SLC4A8: variants seen among roughly 807,000 people sequenced by gnomAD.
SLC4A8 encodes solute carrier family 4 member 8.
Under a neutral mutation model 125.0 loss-of-function variants are expected in SLC4A8, and 40 were observed. The observed-to-expected ratio is 0.32, with a 90% CI of 0.25 to 0.42. The LOEUF is 0.42. Ranked by LOEUF, SLC4A8 falls within the 10% of genes least tolerant of loss-of-function variation. SLC4A8 has a pLI of 1.00. For synonymous variants in SLC4A8, 456 were observed against 476.0 expected (o/e 0.96, Z 0.55); for missense variants, 863 against 1,355.1 (o/e 0.64, Z 5.70).
Position 51,442,692 on chromosome 12 carries a change from A to G in SLC4A8, c.130+1903A>G, listed in dbSNP as rs76415239. On this transcript the variant is annotated intron_variant, in intron 2 of 24. Transcript: ENST00000453097. ...TATTTATGTTAACACTTAAAAAAAA[A>G]GCATTACACGCAAATGGTGGACAAA... is the stretch of plus-strand genomic sequence containing the variant. Among the ~76,000 whole-genome samples the G allele has an allele frequency of 4.2e-3, 636 of 152,318 alleles. 6 individuals carry two copies. Among genetic ancestry groups the G allele is most frequent in the African/African-American group, 0.014 (594 of 41,560 alleles).
At chr12:51,454,685 T>TC (rs998469242) in intron 5 of SLC4A8, among the ~76,000 whole-genome samples, 1 of 42,744 alleles carries the variant, frequency 2.3e-5, no homozygotes, top group Non-Finnish European at 4.5e-5. Context: ...AGGCGGTTTT[T>TC]CCCTATCTCA....
intron 1 of SLC4A8, among the ~76,000 whole-genome samples, chr12:51,402,316 G>C (rs568212112): frequency 6.6e-6 from 1 of 152,320 alleles, no homozygotes; most frequent in East Asian, 1.9e-4. Flanking sequence ...TGCAAAGCTA[G>C]AATGCTTCAA....
upstream of SLC4A8, among the ~76,000 whole-genome samples, chr12:51,421,509 A>G (rs1446431318): frequency 6.6e-6 from 1 of 152,170 alleles, no homozygotes; most frequent in Non-Finnish European, 1.5e-5. Flanking sequence ...CTTTTTCCAC[A>G]TTTGTACTGG....
intron 11 of SLC4A8, among the ~76,000 whole-genome samples, chr12:51,465,477 G>T (rs765226161): frequency 4.6e-5 from 7 of 152,140 alleles, no homozygotes; most frequent in Non-Finnish European, 8.8e-5. Context: ...TCTTGGTAAT[G>T]GTGTCTGATG....
chr12:51,459,440 A>G (rs4761819), intron 7 of SLC4A8, among the ~76,000 whole-genome samples: 140,995 of 152,200 alleles, frequency 0.93, 65,365 homozygotes, highest in Non-Finnish European at 0.95. Context: ...CTGGGTTTCA[A>G]ATACTTCATT....
chr12:51,409,480 T>C (rs10735834), intron 1 of SLC4A8, among the ~76,000 whole-genome samples: 86,492 of 152,002 alleles, frequency 0.57, 25,045 homozygotes, highest in East Asian at 0.76. Context: ...TATTTGCAGT[T>C]GTTTTCAGTT....
intron 22 of SLC4A8, 157 bp downstream of exon 22, chr12:51,497,281 G>T: frequency 1.3e-6 from 1 of 797,696 alleles, no homozygotes; most frequent in South Asian, 2.1e-5. Flanking sequence ...ATGGATTAGG[G>T]ATTCTTGCTT....
chr12:51,478,314 C>T (rs1950916345), intron 16 of SLC4A8, among the ~76,000 whole-genome samples: 1 of 151,636 alleles, frequency 6.6e-6, no homozygotes, highest in Non-Finnish European at 1.5e-5. Context: ...TGGCAGGTGC[C>T]TGTAATCCCA....
chr12:51,441,151 A>T, intron 2 of SLC4A8: 2 of 990,128 alleles, frequency 2.0e-6, no homozygotes, highest in Non-Finnish European at 2.4e-6. Context: ...TTAAAGAGAA[A>T]ATAAAATACA....
rs1029092583 is a variant in SLC4A8 at position 51,513,492 on chromosome 12, G to A, written c.*6054G>A. ...AGACGGAGTCTCGCTCTGTCGCTTT[G>A]TCACCAGGCTGGAGTGCAATGGCAC... On this transcript the variant is annotated 3_prime_UTR_variant, in exon 25 of 25. Transcript: ENST00000453097. 3 of 151,924 alleles carry A rather than the reference G, an allele frequency of 2.0e-5. No individual in the cohort carries two copies. The East Asian group carries it at 5.9e-4, about 30-fold the overall frequency. 9.4% of individuals were successfully genotyped at this position (151,924 alleles called of 1,614,324 possible). A position where few individuals can be genotyped will look rare whatever the true frequency, so the allele number is the denominator to read the frequency against.
chr12:51,439,064 T>A (rs1225479996), intron 1 of SLC4A8, among the ~76,000 whole-genome samples: 1 of 152,130 alleles, frequency 6.6e-6, no homozygotes, highest in East Asian at 1.9e-4. Flanking sequence ...GAGACTTTTT[T>A]TATTTTTTTT....
rs1950810362 is a variant in SLC4A8, at chr12:51,474,706, A to AT, written c.2010+260dup. 5 of 591,148 alleles carry AT rather than the reference A, an allele frequency of 8.5e-6. No homozygotes were observed. In the East Asian group the frequency reaches 1.4e-4, roughly 17 times the overall value. The allele number at this position is 591,148 out of a possible 1,614,324, so 36.6% of individuals were successfully genotyped here. A position where few individuals can be genotyped will look rare whatever the true frequency, so the allele number is the denominator to read the frequency against. On this transcript the variant is annotated intron_variant, in intron 15 of 24. Transcript: ENST00000453097. ...ACTAAGGATAGGTGGGGATGAAACC[A>AT]TGCAGGACAGGGGGCAGATCCAGAC...
chr12:51,413,254 T>G (rs1478222909), intron 1 of SLC4A8, among the ~76,000 whole-genome samples: 1 of 152,230 alleles, frequency 6.6e-6, no homozygotes, highest in Non-Finnish European at 1.5e-5. Context: ...TTGTCCATTT[T>G]TTCATGGGAT....
intron 1 of SLC4A8, chr12:51,391,935 G>A (rs1948126434): frequency 6.6e-6 from 1 of 152,432 alleles, no homozygotes. Context: ...GCCGCGGGCG[G>A]CGGGTGCATG....
In SLC4A8 at chr12:51,514,592, G is replaced by A. The variant is rs1938472011; in HGVS notation, c.*7154G>A. 1 of 152,138 alleles carries A rather than the reference G, an allele frequency of 6.6e-6. No homozygotes were observed. Among genetic ancestry groups the A allele is most frequent in the Admixed American group, 6.5e-5 (1 of 15,276 alleles). The allele number at this position is 152,138 out of a possible 1,614,324, so 9.4% of individuals were successfully genotyped here. A position where few individuals can be genotyped will look rare whatever the true frequency, so the allele number is the denominator to read the frequency against. ...TTTATGGTCATTTCCCCTGTTTAGG[G>A]TGAGGGACTAAGAATTCTCAAGCCT... is the stretch of plus-strand genomic sequence containing the variant. On this transcript the variant is annotated 3_prime_UTR_variant, in exon 25 of 25. Coordinates refer to ENST00000453097, the MANE Select transcript of SLC4A8 (RefSeq NM_001039960.3).
intron 2 of SLC4A8, among the ~76,000 whole-genome samples, chr12:51,448,076 A>T (rs1318051932): frequency 6.6e-6 from 1 of 152,052 alleles, no homozygotes; most frequent in Non-Finnish European, 1.5e-5. Context: ...GAGGTCTTTC[A>T]TTTTATTTTC....
chr12:51,466,090 A>T (rs992964748), intron 11 of SLC4A8, among the ~76,000 whole-genome samples: 4 of 152,068 alleles, frequency 2.6e-5, no homozygotes, highest in African/African-American at 9.7e-5. Context: ...GGTGAAGTAG[A>T]CTCTAAGAAG....
In SLC4A8 at chr12:51,509,161, C is replaced by T. The variant is rs1024976283; in HGVS notation, c.*1723C>T. Reference sequence around the variant, plus strand: ...TGCCTATTGGCTGAACATTATGCTACTTTCAGATATTAAAATGGTGTTCCT... The same window carrying T: ...TGCCTATTGGCTGAACATTATGCTATTTTCAGATATTAAAATGGTGTTCCT... On this transcript the variant is annotated 3_prime_UTR_variant, in exon 25 of 25. Transcript: ENST00000453097. 2 of 152,664 alleles carry T rather than the reference C, an allele frequency of 1.3e-5. No individual in the cohort carries two copies. The highest frequency in any genetic ancestry group is 2.9e-5 in the Non-Finnish European group (2 of 68,054). 9.5% of individuals were successfully genotyped at this position (152,664 alleles called of 1,614,324 possible).
chr12:51,398,274 A>T (rs936786300), intron 1 of SLC4A8, among the ~76,000 whole-genome samples: 9 of 152,190 alleles, frequency 5.9e-5, no homozygotes, highest in African/African-American at 1.9e-4. Context: ...TTGGCATTTT[A>T]TATTACCTAT....
Sources: gnomAD v4.1 joint callset for allele counts (sites outside exome capture counted in the v4.1 genomes callset) on GRCh38, gnomAD v4.1.1 for gene constraint, MANE v1.5 for transcripts, NCBI Gene and HGNC (gene_info 2026-07-23, HGNC 2026-07-21) for gene names.